ACACA: variants seen among roughly 807,000 people sequenced by gnomAD.
The protein encoded by ACACA is acetyl-CoA carboxylase alpha.
Under a neutral mutation model 296.1 loss-of-function variants are expected in ACACA, and 103 were observed. That is an observed-to-expected ratio of 0.35 (90% CI 0.30 to 0.41). ACACA has a LOEUF of 0.41. Ranked by LOEUF, ACACA falls within the 10% of genes least tolerant of loss-of-function variation. The probability of loss-of-function intolerance (pLI) is 1.00; values close to 1 mark genes in which losing one functional copy is unlikely to be tolerated. For synonymous variants in ACACA, 953 were observed against 1,038.6 expected, an observed-to-expected ratio of 0.92 and a Z score of 1.58; for missense variants, 1,554 against 2,989.7, an observed-to-expected ratio of 0.52 and a Z score of 11.20.
intron 25 of ACACA, among the ~76,000 whole-genome samples, chr17:37,234,241 T>C (rs541781301): frequency 6.6e-6 from 1 of 151,900 alleles, no homozygotes; most frequent in South Asian, 2.1e-4. Context: ...ACTCTAGGAG[T>C]AGTCCTACTG....
chr17:37,200,324 C>G (rs1354214518), intron 34 of ACACA, 103 bp downstream of exon 34: 1 of 1,376,112 alleles, frequency 7.3e-7, no homozygotes, highest in Non-Finnish European at 1.0e-6. Flanking sequence ...GGTTATTTCT[C>G]TGCATAAATC....
rs1042270858 is a variant in ACACA at position 37,380,901 on chromosome 17, T to TG, written c.38+25360_38+25361insC. 4.0e-5 allele frequency among the ~76,000 whole-genome samples: 6 copies of TG among 151,376 alleles called. 1 individual carries two copies. Among genetic ancestry groups the TG allele is most frequent in the African/African-American group, 1.5e-4 (6 of 41,030 alleles). On this transcript the variant is annotated intron_variant, in intron 1 of 55. Coordinates refer to ENST00000616317, the MANE Select transcript of ACACA (RefSeq NM_198834.3). The stretch of plus-strand genomic sequence containing the variant: ...GTGAGCCACCGTGCCTGGCCAGGTT[T>TG]TTTTTTTTTTTAATTTCATTTTGCA...
At chr17:37,172,827 T>C (rs566736293) in intron 41 of ACACA, among the ~76,000 whole-genome samples, 1 of 152,324 alleles carries the variant, frequency 6.6e-6, no homozygotes, top group East Asian at 1.9e-4. Flanking sequence ...TAGGGACAGA[T>C]TAATGGCAAA....
intron 3 of ACACA, among the ~76,000 whole-genome samples, chr17:37,307,700 C>T (rs2083946583): frequency 1.3e-5 from 2 of 152,084 alleles, no homozygotes; most frequent in African/African-American, 4.8e-5. Context: ...GGTTCTCGTG[C>T]CTCAGCCTCC....
chr17:37,248,401 G>A (rs939145331), intron 17 of ACACA, among the ~76,000 whole-genome samples, 192 bp downstream of exon 17: 10 of 152,208 alleles, frequency 6.6e-5, no homozygotes, highest in Non-Finnish European at 1.3e-4. Context: ...GGCAGTGTAT[G>A]TGAAGTTGAA....
At chr17:37,401,158 A>G (rs1305707465) in intron 1 of ACACA, among the ~76,000 whole-genome samples, 1 of 150,504 alleles carries the variant, frequency 6.6e-6, no homozygotes, top group Non-Finnish European at 1.5e-5. Context: ...TTTTTCACAT[A>G]CCAGTTAGCT....
In ACACA at chr17:37,129,585, A is replaced by G. The variant is rs989542557; in HGVS notation, c.5824-100T>C. On this transcript the variant is annotated intron_variant, in intron 46 of 55. Transcript: ENST00000616317. ...TAGACAAAGACAGCAGGGCCCACGT[A>G]TGGAATTGCACCCAATAGTCCCAAT... 2.0e-6 allele frequency: 3 copies of G among 1,484,294 alleles called. No homozygotes were observed. In the African/African-American group the frequency reaches 4.1e-5, roughly 20 times the overall value. 91.9% of individuals were successfully genotyped at this position (1,484,294 alleles called of 1,614,324 possible).
At chr17:37,123,121 T>C (rs2143053952) in intron 48 of ACACA, among the ~76,000 whole-genome samples, 1 of 152,278 alleles carries the variant, frequency 6.6e-6, no homozygotes, top group African/African-American at 2.4e-5. Flanking sequence ...TGGTTCCAGA[T>C]AAGATTTGAG....
chr17:37,347,866 A>G (rs1342477365), intron 1 of ACACA, among the ~76,000 whole-genome samples: 1 of 152,136 alleles, frequency 6.6e-6, no homozygotes, highest in Non-Finnish European at 1.5e-5. Flanking sequence ...AAGCTTTCAC[A>G]AATCAGAATA....
intron 2 of ACACA, among the ~76,000 whole-genome samples, chr17:37,332,911 A>G (rs1033027620): frequency 6.7e-5 from 9 of 134,702 alleles, no homozygotes; most frequent in Non-Finnish European, 1.3e-4. Flanking sequence ...CTCTGTCTAG[A>G]AAAAAAAAAA....
chr17:37,213,184 C>T lies in ACACA; in HGVS notation c.3684-2694G>A, dbSNP rs1430750982. On this transcript the variant is annotated intron_variant, in intron 29 of 55. Coordinates refer to ENST00000616317, the MANE Select transcript of ACACA (RefSeq NM_198834.3). ...ACACACACACACATACACACACACACGCACACAAATATAAAAGTTAGCCAG... is the reference window on the plus strand; with the variant it reads ...ACACACACACACATACACACACACATGCACACAAATATAAAAGTTAGCCAG... Among the ~76,000 whole-genome samples the T allele has an allele frequency of 5.3e-5, 8 of 151,496 alleles. No individual in the cohort carries two copies. In the East Asian group the frequency reaches 5.8e-4, roughly 11 times the overall value.
chr17:37,352,843 T>C (rs1336713463), intron 1 of ACACA, among the ~76,000 whole-genome samples: 1 of 152,244 alleles, frequency 6.6e-6, no homozygotes, highest in Admixed American at 6.5e-5. Flanking sequence ...CAGAGATCTA[T>C]GCTGGAGACA....
chr17:37,281,914 T>C (rs999445670), intron 5 of ACACA, among the ~76,000 whole-genome samples: 7 of 152,222 alleles, frequency 4.6e-5, no homozygotes, highest in African/African-American at 1.4e-4. Context: ...TTATTATAGA[T>C]GATCTCATCT....
chr17:37,129,822 C>T (rs1009134941), intron 46 of ACACA, among the ~76,000 whole-genome samples: 4 of 152,128 alleles, frequency 2.6e-5, no homozygotes, highest in Admixed American at 2.6e-4. Flanking sequence ...GGATCTGAGC[C>T]TTAGGTAGGC....
At chr17:37,089,512 T>C (rs1429668392) in intron 54 of ACACA, among the ~76,000 whole-genome samples, 4 of 152,212 alleles carry the variant, frequency 2.6e-5, no homozygotes, top group Non-Finnish European at 4.4e-5. Flanking sequence ...ACACAATGCC[T>C]AAAGTATAAG....
intron 24 of ACACA, 70 bp downstream of exon 24, chr17:37,240,406 T>C (rs1347885363): frequency 9.6e-6 from 13 of 1,360,544 alleles, no homozygotes; most frequent in African/African-American, 2.9e-5. Flanking sequence ...CACAGTCCTA[T>C]AGGGATAGTT....
intron 45 of ACACA, chr17:37,140,772 T>C (rs1012749842): frequency 4.6e-6 from 1 of 216,856 alleles, no homozygotes; most frequent in Non-Finnish European, 9.4e-6. Context: ...GCATCAAAGA[T>C]GGCCTTGAGA....
At position 37,086,951 on chromosome 17, in the gene ACACA, C is replaced by T. The variant is rs957084779; in HGVS notation, c.*365G>A. On this transcript the variant is annotated 3_prime_UTR_variant, in exon 56 of 56. Transcript: ENST00000616317. ...GCTCACTGCTGGGCAACTCCTCACGCTTCCCCATGCTGGGAGGCCAAGGGG... is the reference window on the plus strand; with the variant it reads ...GCTCACTGCTGGGCAACTCCTCACGTTTCCCCATGCTGGGAGGCCAAGGGG... The T allele has an allele frequency of 1.1e-5, 4 of 355,436 alleles. No individual in the cohort carries two copies. In the East Asian group the frequency reaches 2.0e-4, roughly 18 times the overall value. 22.0% of individuals were successfully genotyped at this position (355,436 alleles called of 1,614,324 possible). A position where few individuals can be genotyped will look rare whatever the true frequency, so the allele number is the denominator to read the frequency against.
chr17:37,260,372 C>T (rs1489465728), intron 11 of ACACA, among the ~76,000 whole-genome samples: 1 of 138,860 alleles, frequency 7.2e-6, no homozygotes, highest in Non-Finnish European at 1.5e-5. Context: ...GGCGCAATCT[C>T]GGCTCACTGT....
Sources: gnomAD v4.1 joint callset for allele counts (sites outside exome capture counted in the v4.1 genomes callset) on GRCh38, gnomAD v4.1.1 for gene constraint, MANE v1.5 for transcripts, NCBI Gene and HGNC (gene_info 2026-07-23, HGNC 2026-07-21) for gene names.